The following PLEKHG1 variants were observed in gnomAD, a reference collection of about 807,000 sequenced individuals.
The protein encoded by PLEKHG1 is pleckstrin homology and RhoGEF domain containing G1.
Under a neutral mutation model 100.8 loss-of-function variants are expected in PLEKHG1, and 44 were observed. The observed-to-expected ratio is 0.44, with a 90% CI of 0.34 to 0.56. The LOEUF (loss-of-function observed/expected upper bound fraction) is 0.56, where lower values mean the gene tolerates loss of function less well. PLEKHG1 is among the 20% of genes least tolerant of loss of function. PLEKHG1 has a pLI of 0.01. For missense variants in PLEKHG1, 1,545 were observed against 1,720.9 expected (o/e 0.90, Z 1.81); for synonymous variants, 640 against 662.5 (o/e 0.97, Z 0.52).
intron 2 of PLEKHG1, among the ~76,000 whole-genome samples, 187 bp downstream of exon 3, chr6:150,734,279 C>T (rs1055622953): frequency 6.6e-6 from 1 of 152,068 alleles, no homozygotes; most frequent in Non-Finnish European, 1.5e-5. Flanking sequence ...TTAATATTTG[C>T]GTTAACAAAT....
intron 3 of PLEKHG1, among the ~76,000 whole-genome samples, chr6:150,706,669 GTT>G (rs1409589673): frequency 6.6e-6 from 1 of 150,996 alleles, no homozygotes; most frequent in Non-Finnish European, 1.5e-5. Context: ...CCAGTTATCT[GTT>G]TGGTTTGGCA....
intron 10 of PLEKHG1, among the ~76,000 whole-genome samples, chr6:150,816,168 C>A (rs1192069456): frequency 6.6e-6 from 1 of 151,946 alleles, no homozygotes; most frequent in Non-Finnish European, 1.5e-5. Context: ...CCAGTCTGCT[C>A]TCATCTTATT....
rs112663022 is a variant in PLEKHG1 at position 150,829,884 on chromosome 6, G to A, written c.1471-698G>A. ...GTCGGGTCAGCAGAAGGGGCTTTTC[G>A]TATACCAGAAACCACGATAAAACTG... is the stretch of plus-strand genomic sequence containing the variant. On this transcript the variant is annotated intron_variant, in intron 14 of 15. Transcript: ENST00000358517. Among the ~76,000 whole-genome samples, 21 of 152,148 alleles carry A rather than the reference G, an allele frequency of 1.4e-4. No individual in the cohort carries two copies. In the East Asian group the frequency reaches 1.9e-3, roughly 14 times the overall value.
At chr6:150,687,651 A>G (rs1181014196) in intron 3 of PLEKHG1, among the ~76,000 whole-genome samples, 1 of 152,182 alleles carries the variant, frequency 6.6e-6, no homozygotes, top group Admixed American at 6.5e-5. Flanking sequence ...CGATGGACCC[A>G]TGGGAGGAAC....
intron 1 of PLEKHG1, among the ~76,000 whole-genome samples, chr6:150,634,411 G>T (rs1169818480): frequency 3.3e-5 from 5 of 152,106 alleles, no homozygotes; most frequent in Non-Finnish European, 7.4e-5. Context: ...GCAGTAGTTG[G>T]GGAGAAAAAG....
intron 1 of PLEKHG1, among the ~76,000 whole-genome samples, chr6:150,610,322 G>A (rs1034800938): frequency 5.9e-5 from 9 of 152,110 alleles, no homozygotes; most frequent in African/African-American, 2.2e-4. Flanking sequence ...GGCTGGTCCC[G>A]AACTCCCGAC....
intron 10 of PLEKHG1, 44 bp from the exon 12 acceptor site, chr6:150,818,139 A>G (rs1392961710): frequency 6.5e-7 from 1 of 1,540,758 alleles, no homozygotes; most frequent in Non-Finnish European, 8.9e-7. Flanking sequence ...AGTTTAAAGA[A>G]AAAAAAAGCA....
intron 1 of PLEKHG1, among the ~76,000 whole-genome samples, chr6:150,602,315 G>A (rs145933567): frequency 4.6e-5 from 7 of 152,214 alleles, no homozygotes; most frequent in Admixed American, 1.3e-4. Context: ...AGCATGATTA[G>A]GTCCCTGGAA....
At chr6:150,657,764 A>G (rs1716774347) in intron 3 of PLEKHG1, among the ~76,000 whole-genome samples, 2 of 152,212 alleles carry the variant, frequency 1.3e-5, no homozygotes, top group African/African-American at 4.8e-5. Context: ...CATGTTCTTA[A>G]CATCTGTAGC....
chr6:150,717,885 C>T (rs1262419436), upstream of PLEKHG1, among the ~76,000 whole-genome samples: 1 of 152,032 alleles, frequency 6.6e-6, no homozygotes, highest in Non-Finnish European at 1.5e-5. Flanking sequence ...AGACCCGCCT[C>T]GACAATATGG....
Position 150,797,280 on chromosome 6 carries a change from G to A in PLEKHG1, c.629+1378G>A, listed in dbSNP as rs902646323. 9.9e-5 allele frequency among the ~76,000 whole-genome samples: 15 copies of A among 152,240 alleles called. 1 individual carries two copies. Among genetic ancestry groups the A allele is most frequent in the Admixed American group, 6.5e-4 (10 of 15,290 alleles). ...ATCCACCTAGAAGAGAAGGCAGCACGCTGAGCCCTGAGTGTTACTTCTGGA... is the reference window on the plus strand; with the variant it reads ...ATCCACCTAGAAGAGAAGGCAGCACACTGAGCCCTGAGTGTTACTTCTGGA... On this transcript the variant is annotated intron_variant, in intron 5 of 15. Transcript: ENST00000358517.
intron 1 of PLEKHG1, among the ~76,000 whole-genome samples, chr6:150,722,349 C>CTTTTTTTTTTTTTTTTTTTTT (rs139069069): frequency 2.5e-4 from 23 of 90,654 alleles, no homozygotes; most frequent in Non-Finnish European, 3.8e-4. Flanking sequence ...TTTTTCTTTT[C>CTTTTTTTTTTTTTTTTTTTTT]TTTTTTTTTT....
At chr6:150,839,836 C>T in exon 16 of PLEKHG1, 11 of 1,592,202 alleles carry the variant, frequency 6.9e-6, no homozygotes, top group Non-Finnish European at 9.5e-6. Flanking sequence ...CTTCCAGGTG[C>T]CAGGATTGCT....
chr6:150,773,406 TG>T (rs1469315605), intron 3 of PLEKHG1, among the ~76,000 whole-genome samples: 13 of 152,080 alleles, frequency 8.5e-5, no homozygotes, highest in Admixed American at 8.5e-4. Flanking sequence ...TGGTGGCGAG[TG>T]CCTGTAATCC....
intron 3 of PLEKHG1, among the ~76,000 whole-genome samples, chr6:150,784,558 A>G (rs987552906): frequency 1.3e-5 from 2 of 152,250 alleles, no homozygotes; most frequent in African/African-American, 4.8e-5. Flanking sequence ...TGGAAATAGC[A>G]ATACAGAAGA....
At chr6:150,646,862 C>T (rs982656308) in intron 2 of PLEKHG1, among the ~76,000 whole-genome samples, 2 of 152,154 alleles carry the variant, frequency 1.3e-5, no homozygotes, top group African/African-American at 2.4e-5. Context: ...GGACTTAAAT[C>T]ATATTTTCTG....
At position 150,644,334 on chromosome 6, in the gene PLEKHG1, G is replaced by GTTTTTTTTTTTTTTTTTTTTTTTTTTTT. The variant is rs57840463; in HGVS notation, c.-158+6227_-158+6228insTTTTTTTTTTTTTTTTTTTTTTTTTTTT. Among the ~76,000 whole-genome samples, 56 of 117,574 alleles carry GTTTTTTTTTTTTTTTTTTTTTTTTTTTT rather than the reference G, an allele frequency of 4.8e-4. 4 individuals carry two copies. The highest frequency in any genetic ancestry group is 1.6e-3 in the African/African-American group (45 of 28,602). 77.1% of individuals were successfully genotyped at this position (117,574 alleles called of 152,430 possible). The stretch of plus-strand genomic sequence containing the variant: ...AAGAGAGTGGTTTTTTTCTTTTCGT[G>GTTTTTTTTTTTTTTTTTTTTTTTTTTTT]TTTTTTTTTTTTTTTTTTGTTACAG... On this transcript the variant is annotated intron_variant, in intron 2 of 3. Transcript: ENST00000367326.
At chr6:150,794,795 A>G (rs2128658565) in intron 4 of PLEKHG1, among the ~76,000 whole-genome samples, 1 of 152,266 alleles carries the variant, frequency 6.6e-6, no homozygotes, top group African/African-American at 2.4e-5. Context: ...GGAGTTAATG[A>G]TTATTGAGGT....
At chr6:150,621,703 C>A (rs1461567907) in intron 1 of PLEKHG1, among the ~76,000 whole-genome samples, 1 of 152,106 alleles carries the variant, frequency 6.6e-6, no homozygotes, top group Admixed American at 6.6e-5. Flanking sequence ...CACTATAAGC[C>A]CGCAATTTGA....
Sources: allele counts gnomAD v4.1 joint callset (sites outside exome capture counted in the v4.1 genomes callset), GRCh38; gene constraint gnomAD v4.1.1; transcripts MANE v1.5; gene names NCBI Gene and HGNC (gene_info 2026-07-23, HGNC 2026-07-21).